ANO10: variants seen among roughly 807,000 people sequenced by gnomAD.
ANO10 encodes the protein anoctamin-10.
In ANO10, 77 loss-of-function variants were observed where a neutral mutation model predicts 74.7. The ratio of observed to expected loss-of-function variants is 1.03; its 90% CI spans 0.86 to 1.25. ANO10 has a LOEUF of 1.25. ANO10 is among the 50% of genes most tolerant of loss of function. The pLI is 0.00. For missense variants in ANO10, 721 were observed against 778.1 expected, an observed-to-expected ratio of 0.93 and a Z score of 0.87; for synonymous variants, 279 against 284.9, an observed-to-expected ratio of 0.98 and a Z score of 0.21.
intron 12 of ANO10, among the ~76,000 whole-genome samples, chr3:43,401,492 C>A (rs2092481589): frequency 2.0e-5 from 3 of 152,162 alleles, no homozygotes; most frequent in Admixed American, 2.0e-4. Flanking sequence ...TGCTTAGATT[C>A]TCTTATTAAT....
chr3:43,405,547 G>C (rs1316853049), intron 12 of ANO10, among the ~76,000 whole-genome samples: 2 of 152,196 alleles, frequency 1.3e-5, no homozygotes, highest in African/African-American at 4.8e-5. Flanking sequence ...GTGCAGTGGT[G>C]TGATCTCAGC....
intron 1 of ANO10, among the ~76,000 whole-genome samples, chr3:43,684,925 C>G (rs991966165): frequency 1.3e-5 from 2 of 151,974 alleles, no homozygotes; most frequent in African/African-American, 4.8e-5. Context: ...ACACCGGGGC[C>G]TGTTGTGGGG....
chr3:43,420,817 G>A (rs996649145), intron 12 of ANO10, among the ~76,000 whole-genome samples: 3 of 152,200 alleles, frequency 2.0e-5, no homozygotes, highest in African/African-American at 4.8e-5. Flanking sequence ...TTCATTCAAC[G>A]ATTATAAATC....
chr3:43,641,726 C>CT (rs1483984330), intron 1 of ANO10, among the ~76,000 whole-genome samples: 1 of 152,170 alleles, frequency 6.6e-6, no homozygotes, highest in Non-Finnish European at 1.5e-5. Context: ...TTTAGGATCT[C>CT]TGAGTCTCAG....
chr3:43,446,971 TATATTA>T (rs1166429993), intron 11 of ANO10, among the ~76,000 whole-genome samples: 1 of 152,132 alleles, frequency 6.6e-6, no homozygotes, highest in Non-Finnish European at 1.5e-5. Flanking sequence ...ACAATCAGAA[TATATTA>T]ATATTTTCTC....
intron 1 of ANO10, among the ~76,000 whole-genome samples, chr3:43,671,814 C>T (rs2084062670): frequency 6.6e-6 from 1 of 152,150 alleles, no homozygotes; most frequent in Non-Finnish European, 1.5e-5. Flanking sequence ...CCCATTTCCC[C>T]CACCTGCAGC....
chr3:43,597,520 C>A (rs190629361), intron 4 of ANO10, among the ~76,000 whole-genome samples: 4 of 151,998 alleles, frequency 2.6e-5, no homozygotes, highest in Admixed American at 6.6e-5. Context: ...GGACAGAAAA[C>A]CAAACACCGC....
At chr3:43,385,848 G>A (rs931827082) in intron 12 of ANO10, among the ~76,000 whole-genome samples, 38 of 152,118 alleles carry the variant, frequency 2.5e-4, no homozygotes, top group African/African-American at 8.9e-4. Flanking sequence ...TAAAATCTCA[G>A]TAATTACCAC....
intron 4 of ANO10, among the ~76,000 whole-genome samples, chr3:43,588,458 G>T (rs2081576845): frequency 6.6e-6 from 1 of 150,940 alleles, no homozygotes; most frequent in Non-Finnish European, 1.5e-5. Context: ...ACACAAAAAA[G>T]CAATTTCAAC....
At chr3:43,542,557 C>T (rs1398782795) in intron 11 of ANO10, among the ~76,000 whole-genome samples, 1 of 152,086 alleles carries the variant, frequency 6.6e-6, no homozygotes, top group East Asian at 1.9e-4. Context: ...ATCAATTTTC[C>T]ACTTCCTCCT....
chr3:43,455,746 T>G lies in ANO10; in HGVS notation c.1798-23019A>C, dbSNP rs2075094703. ...TCAGGGTTTCTGAATAAACTACACT[T>G]AAAATTTTTCCAAACACCATCAGTC... is the stretch of plus-strand genomic sequence containing the variant. On this transcript the variant is annotated intron_variant, in intron 11 of 12. Coordinates refer to ENST00000292246, the MANE Select transcript of ANO10 (RefSeq NM_018075.5). 2.6e-5 allele frequency among the ~76,000 whole-genome samples: 4 copies of G among 152,086 alleles called. No homozygotes were observed. In the South Asian group the frequency reaches 8.3e-4, roughly 32 times the overall value.
intron 11 of ANO10, among the ~76,000 whole-genome samples, chr3:43,522,792 AGCAAT>A (rs1436863649): frequency 6.6e-6 from 1 of 152,214 alleles, no homozygotes; most frequent in African/African-American, 2.4e-5. Context: ...GAGCTGGTTC[AGCAAT>A]GATGCCAGGC....
At chr3:43,543,364 A>G (rs1296427696) in intron 11 of ANO10, among the ~76,000 whole-genome samples, 7 of 152,180 alleles carry the variant, frequency 4.6e-5, no homozygotes, top group African/African-American at 4.8e-5. Context: ...GGTATTACAG[A>G]TAAGACTCAA....
At chr3:43,377,237 C>A (rs77558810) in intron 12 of ANO10, among the ~76,000 whole-genome samples, 1 of 152,030 alleles carries the variant, frequency 6.6e-6, no homozygotes, top group African/African-American at 2.4e-5. Context: ...TGGAGTGTGC[C>A]ACTACACCCA....
chr3:43,648,716 G>A (rs1270154352), intron 1 of ANO10, among the ~76,000 whole-genome samples: 5 of 138,920 alleles, frequency 3.6e-5, no homozygotes, highest in African/African-American at 8.3e-5. Context: ...TGGCTCTGTC[G>A]CCCAGGCTGG....
In ANO10 at chr3:43,512,516, G is replaced by A. The variant is rs372271264; in HGVS notation, c.1797+37204C>T. Among the ~76,000 whole-genome samples, 13 of 152,156 alleles carry A rather than the reference G, an allele frequency of 8.5e-5. 1 individual carries two copies. Among genetic ancestry groups the A allele is most frequent in the East Asian group, 7.7e-4 (4 of 5,164 alleles). On this transcript the variant is annotated intron_variant, in intron 11 of 12. Coordinates refer to ENST00000292246, the MANE Select transcript of ANO10 (RefSeq NM_018075.5). ...AGTAATTTGCCCAAAGTGTGAGTGG[G>A]CCACAACGCTAGCAGTAGAGGTCAT... is the stretch of plus-strand genomic sequence containing the variant.
At chr3:43,567,774 A>G (rs900653335) in intron 7 of ANO10, among the ~76,000 whole-genome samples, 3 of 152,148 alleles carry the variant, frequency 2.0e-5, no homozygotes, top group Admixed American at 2.0e-4. Flanking sequence ...AACTGCATCA[A>G]CTAACGAGCA....
intron 1 of ANO10, among the ~76,000 whole-genome samples, chr3:43,648,292 A>ACT (rs1479972968): frequency 6.6e-6 from 1 of 152,160 alleles, no homozygotes; most frequent in East Asian, 1.9e-4. Flanking sequence ...GGGCAGGGAG[A>ACT]AAGTGGCCCT....
chr3:43,398,428 G>A (rs1457814826), intron 12 of ANO10, among the ~76,000 whole-genome samples: 3 of 152,132 alleles, frequency 2.0e-5, no homozygotes, highest in Admixed American at 6.5e-5. Flanking sequence ...GTAATATATC[G>A]CTTTGTAAAA....
Sources: gnomAD v4.1 joint callset for allele counts (sites outside exome capture counted in the v4.1 genomes callset) on GRCh38, gnomAD v4.1.1 for gene constraint, MANE v1.5 for transcripts, NCBI Gene and HGNC (gene_info 2026-07-23, HGNC 2026-07-21) for gene names.